The following ROBO2 variants were observed in gnomAD, a reference collection of about 807,000 sequenced individuals.
The protein encoded by ROBO2 is roundabout guidance receptor 2.
Under a neutral mutation model 160.8 loss-of-function variants are expected in ROBO2, and 53 were observed. The ratio of observed to expected loss-of-function variants is 0.33; its 90% CI spans 0.26 to 0.41. ROBO2 has a LOEUF of 0.41. ROBO2 is among the 10% of genes least tolerant of loss of function. ROBO2 has a pLI of 1.00. For missense variants in ROBO2, 1,577 were observed against 1,722.4 expected, an observed-to-expected ratio of 0.92 and a Z score of 1.49; for synonymous variants, 664 against 611.7, an observed-to-expected ratio of 1.09 and a Z score of -1.26.
chr3:76,886,065 G>C (rs2073850442), intron 2 of ROBO2, among the ~76,000 whole-genome samples: 1 of 152,108 alleles, frequency 6.6e-6, no homozygotes, highest in South Asian at 2.1e-4. Flanking sequence ...GCCGCCTTTT[G>C]AAGATGGCAA....
chr3:77,625,008 A>G (rs1042086433), intron 23 of ROBO2, among the ~76,000 whole-genome samples: 4 of 152,204 alleles, frequency 2.6e-5, no homozygotes, highest in Non-Finnish European at 4.4e-5. Context: ...CAGCTGCCAC[A>G]TTAGGGAATA....
intron 2 of ROBO2, among the ~76,000 whole-genome samples, chr3:76,731,683 TA>T (rs2093639998): frequency 6.6e-6 from 1 of 152,174 alleles, no homozygotes; most frequent in African/African-American, 2.4e-5. Context: ...ACTCTGCAAT[TA>T]AGTTTCACCT....
chr3:76,219,887 C>T (rs7373732), intron 2 of ROBO2, among the ~76,000 whole-genome samples: 84,220 of 151,444 alleles, frequency 0.56, 23,613 homozygotes, highest in African/African-American at 0.63. Flanking sequence ...CATATGTTTA[C>T]TGCAGCACTA....
chr3:76,894,101 G>A (rs1343556406), intron 2 of ROBO2, among the ~76,000 whole-genome samples: 2 of 151,976 alleles, frequency 1.3e-5, no homozygotes, highest in African/African-American at 4.8e-5. Flanking sequence ...TCTGTACTTT[G>A]TTATTCAGGT....
intron 2 of ROBO2, among the ~76,000 whole-genome samples, chr3:77,206,483 C>T (rs924969779): frequency 6.6e-6 from 1 of 152,034 alleles, no homozygotes; most frequent in Non-Finnish European, 1.5e-5. Context: ...TACTATAAGA[C>T]TCCAGTCTTA....
At chr3:76,212,696 G>T (rs1220969298) in intron 2 of ROBO2, among the ~76,000 whole-genome samples, 1 of 152,054 alleles carries the variant, frequency 6.6e-6, no homozygotes, top group Non-Finnish European at 1.5e-5. Context: ...TCATCATTAA[G>T]GTCAGATTTC....
intron 2 of ROBO2, among the ~76,000 whole-genome samples, chr3:76,260,426 G>C (rs1025375636): frequency 4.6e-5 from 7 of 152,022 alleles, no homozygotes; most frequent in Non-Finnish European, 8.8e-5. Flanking sequence ...CATCTACAGA[G>C]GTCAAATTTG....
chr3:77,481,275 T>G, intron 4 of ROBO2, 56 bp downstream of exon 4: 1 of 1,389,534 alleles, frequency 7.2e-7, no homozygotes, highest in South Asian at 1.7e-5. Flanking sequence ...TCTTTGCTTT[T>G]AAGTATTACT....
At chr3:77,086,665 A>C (rs1158095099) in intron 1 of ROBO2, among the ~76,000 whole-genome samples, 3 of 152,106 alleles carry the variant, frequency 2.0e-5, no homozygotes, top group Non-Finnish European at 2.9e-5. Context: ...TTCTGTAGTA[A>C]ATGAATGTTG....
At chr3:77,071,819 G>T (rs866284875) in intron 1 of ROBO2, among the ~76,000 whole-genome samples, 1 of 152,184 alleles carries the variant, frequency 6.6e-6, no homozygotes, top group Non-Finnish European at 1.5e-5. Flanking sequence ...GCCCTGTCCT[G>T]TGGAGTCTAC....
chr3:77,379,976 A>G (rs1383749886), intron 2 of ROBO2, among the ~76,000 whole-genome samples: 1 of 152,138 alleles, frequency 6.6e-6, no homozygotes, highest in East Asian at 1.9e-4. Context: ...TTTTATCCCC[A>G]GGGAGAAGCA....
At chr3:76,730,265 C>G (rs2093617063) in intron 2 of ROBO2, among the ~76,000 whole-genome samples, 1 of 97,506 alleles carries the variant, frequency 1.0e-5, no homozygotes, top group Non-Finnish European at 2.0e-5. Flanking sequence ...CTTCTCCTCA[C>G]CTCCTACTCC....
chr3:77,383,141 A>T (rs1485428629), intron 2 of ROBO2, among the ~76,000 whole-genome samples: 1 of 152,164 alleles, frequency 6.6e-6, no homozygotes, highest in Non-Finnish European at 1.5e-5. Flanking sequence ...ACTGGAAATA[A>T]TTTTATTACC....
At chr3:77,323,570 C>T (rs1472733493) in intron 2 of ROBO2, among the ~76,000 whole-genome samples, 2 of 152,150 alleles carry the variant, frequency 1.3e-5, no homozygotes, top group Non-Finnish European at 2.9e-5. Context: ...ACACCAAGTG[C>T]ATGCCTTTGG....
At chr3:76,263,630 A>G (rs1379156506) in intron 2 of ROBO2, among the ~76,000 whole-genome samples, 1 of 152,184 alleles carries the variant, frequency 6.6e-6, no homozygotes. Context: ...TGAAAACTTT[A>G]ATGAAATAAG....
chr3:76,694,201 T>TGAG (rs1182846802), intron 2 of ROBO2, among the ~76,000 whole-genome samples: 1 of 152,202 alleles, frequency 6.6e-6, no homozygotes, highest in African/African-American at 2.4e-5. Context: ...TACTACTGAA[T>TGAG]GTTAGCATGA....
intron 2 of ROBO2, among the ~76,000 whole-genome samples, chr3:77,466,199 C>T (rs2082743330): frequency 6.6e-6 from 1 of 152,054 alleles, no homozygotes; most frequent in Admixed American, 6.6e-5. Flanking sequence ...ATGTAGTAAT[C>T]AAGTAGAACA....
At chr3:76,248,774 G>A (rs527953477) in intron 2 of ROBO2, among the ~76,000 whole-genome samples, 115 of 151,694 alleles carry the variant, frequency 7.6e-4, no homozygotes, top group Admixed American at 1.8e-3. Flanking sequence ...TTTTGTCATA[G>A]TGTGTGCATT....
chr3:77,285,585 C>T (rs2060530960), intron 2 of ROBO2, among the ~76,000 whole-genome samples: 1 of 152,088 alleles, frequency 6.6e-6, no homozygotes, highest in African/African-American at 2.4e-5. Context: ...TTATATAAAT[C>T]CTATGATCTC....
Sources: gnomAD v4.1 joint callset for allele counts (sites outside exome capture counted in the v4.1 genomes callset) on GRCh38, gnomAD v4.1.1 for gene constraint, MANE v1.5 for transcripts, NCBI Gene and HGNC (gene_info 2026-07-23, HGNC 2026-07-21) for gene names.